Variants in GNL3L observed in about 807,000 individuals in gnomAD.
GNL3L encodes the protein G protein nucleolar 3 like.
In GNL3L, 4 loss-of-function variants were observed where a neutral mutation model predicts 42.9. The observed-to-expected ratio is 0.09, with a 90% CI of 0.05 to 0.21. The LOEUF is 0.21. GNL3L is among the 10% of genes least tolerant of loss of function. The pLI is 1.00. For synonymous variants in GNL3L, 159 were observed against 176.3 expected, an observed-to-expected ratio of 0.90 and a Z score of 0.78; for missense variants, 412 against 481.7, an observed-to-expected ratio of 0.86 and a Z score of 1.36.
At chrX:54,556,279 C>G (rs1925092326) in intron 14 of GNL3L, among the ~76,000 whole-genome samples, 1 of 110,891 alleles carries the variant, frequency 9.0e-6, no homozygotes, top group Non-Finnish European at 1.9e-5. Flanking sequence ...GGGAAGCAGG[C>G]ACCTTCTTCA....
the GNL3L span, among the ~76,000 whole-genome samples, chrX:54,638,525 A>T: frequency 7.2e-5 from 8 of 111,250 alleles, no homozygotes; most frequent in African/African-American, 9.8e-5. Context: ...GCTGGAGTGC[A>T]GTGGCGCAAT....
the GNL3L span, among the ~76,000 whole-genome samples, chrX:54,632,524 A>G: frequency 9.1e-6 from 1 of 110,351 alleles, no homozygotes; most frequent in Admixed American, 9.7e-5. Flanking sequence ...CGAGCTGTAA[A>G]GTTCTTTCTT....
chrX:54,625,954 T>C (rs1343829068), downstream of GNL3L, among the ~76,000 whole-genome samples: 2 of 111,561 alleles, frequency 1.8e-5, no homozygotes, highest in South Asian at 3.8e-4. Context: ...AGACGGATAT[T>C]ATGATACATG....
intron 16 of GNL3L, among the ~76,000 whole-genome samples, chrX:54,574,114 C>T: frequency 9.0e-6 from 1 of 111,604 alleles, no homozygotes; most frequent in East Asian, 2.8e-4. Context: ...TCTTCCTTTA[C>T]AATCGATGTG....
chrX:54,644,094 C>T, the GNL3L span, among the ~76,000 whole-genome samples: 594 of 111,852 alleles, frequency 5.3e-3, 6 homozygotes, highest in African/African-American at 0.018. Context: ...AGATATCTCT[C>T]CAATATACTG....
chrX:54,629,986 G>A, the GNL3L span, among the ~76,000 whole-genome samples: 3 of 111,314 alleles, frequency 2.7e-5, no homozygotes, highest in African/African-American at 9.8e-5. Flanking sequence ...AATCTAGAAG[G>A]GTTGTATGTT....
chrX:54,552,265 A>G, intron 12 of GNL3L, 27 bp from the exon 13 acceptor site: 2 of 1,201,536 alleles, frequency 1.7e-6, no homozygotes, highest in Non-Finnish European at 2.3e-6. Flanking sequence ...TGACAGCACC[A>G]CTCATCTCCC....
chrX:54,549,263 C>T (rs1446788886), intron 9 of GNL3L, among the ~76,000 whole-genome samples: 1 of 111,596 alleles, frequency 9.0e-6, no homozygotes, highest in Non-Finnish European at 1.9e-5. Flanking sequence ...GATCCACAAA[C>T]ACATACACAG....
At chrX:54,574,394 A>G (rs1372152292) in intron 16 of GNL3L, among the ~76,000 whole-genome samples, 1 of 112,041 alleles carries the variant, frequency 8.9e-6, no homozygotes, top group African/African-American at 3.2e-5. Flanking sequence ...AGATGATTAT[A>G]TAGGTTTTCT....
At chrX:54,545,105 G>A (rs751720879) in intron 8 of GNL3L, among the ~76,000 whole-genome samples, 2 of 111,204 alleles carry the variant, frequency 1.8e-5, no homozygotes, top group Middle Eastern at 4.8e-3. Context: ...TAGTAGACAC[G>A]GGGTTTCGCC....
At chrX:54,558,803 C>A in intron 15 of GNL3L, 148 bp downstream of exon 15, 1 of 461,702 alleles carries the variant, frequency 2.2e-6, no homozygotes, top group Non-Finnish European at 3.8e-6. Context: ...ATTACAGGCA[C>A]CTGCCACCAT....
At chrX:54,581,887 AT>A (rs1925719686) in intron 16 of GNL3L, among the ~76,000 whole-genome samples, 1 of 111,618 alleles carries the variant, frequency 9.0e-6, no homozygotes, top group African/African-American at 3.3e-5. Context: ...TTTGGTGCAG[AT>A]TTTGGTATGA....
At position 54,561,463 on chromosome X, in the gene GNL3L, A is replaced by G. The variant is rs1201934232; in HGVS notation, c.*861A>G. Among the ~76,000 whole-genome samples the G allele has an allele frequency of 8.9e-6, 1 of 112,248 alleles. No homozygotes were observed. Among genetic ancestry groups the G allele is most frequent in the Non-Finnish European group, 1.9e-5 (1 of 53,245 alleles). ...CCTGTGTCTCTGGAAGGTTCTAGGG[A>G]TAGGGTAGAGGGAAGAAGAGAACAA... On this transcript the variant is annotated 3_prime_UTR_variant, in exon 16 of 16. Transcript: ENST00000360845.
chrX:54,564,301 C>T lies in GNL3L; in HGVS notation c.*3699C>T, dbSNP rs907865596. Among the ~76,000 whole-genome samples, 3 of 110,552 alleles carry T rather than the reference C, an allele frequency of 2.7e-5. No individual in the cohort carries two copies. Among genetic ancestry groups the T allele is most frequent in the African/African-American group, 9.9e-5 (3 of 30,394 alleles). On this transcript the variant is annotated 3_prime_UTR_variant, in exon 16 of 16. Transcript: ENST00000360845. ...CAATGCAACCAAGGTACAGAACAGT[C>T]CTCTTAGCCTCTCCCTACCAAATTT... is the stretch of plus-strand genomic sequence containing the variant.
intron 14 of GNL3L, 114 bp from the exon 15 acceptor site, chrX:54,558,322 A>G (rs1183020774): frequency 3.9e-6 from 2 of 510,185 alleles, no homozygotes; most frequent in Non-Finnish European, 6.8e-6. Flanking sequence ...CTAGTTCCAC[A>G]TGGCTCCAGG....
chrX:54,622,306 A>T (rs768229777), downstream of GNL3L, among the ~76,000 whole-genome samples: 1 of 65,587 alleles, frequency 1.5e-5, no homozygotes, highest in South Asian at 8.6e-4. Flanking sequence ...TTTTTTGGAG[A>T]CGGAGTCTTG....
chrX:54,626,213 A>G (rs1164513112), downstream of GNL3L, among the ~76,000 whole-genome samples: 1 of 111,212 alleles, frequency 9.0e-6, no homozygotes, highest in Non-Finnish European at 1.9e-5. Context: ...TAATACTCAC[A>G]ATTCTACTCT....
At chrX:54,617,312 A>G (rs1367228382) in intron 16 of GNL3L, among the ~76,000 whole-genome samples, 1 of 111,969 alleles carries the variant, frequency 8.9e-6, no homozygotes, top group Non-Finnish European at 1.9e-5. Flanking sequence ...TTCACACAAA[A>G]CAATTTCTTG....
In GNL3L at chrX:54,562,531, G is replaced by T. The variant is rs1925299223; in HGVS notation, c.*1929G>T. Among the ~76,000 whole-genome samples the T allele has an allele frequency of 9.0e-6, 1 of 111,172 alleles. No homozygotes were observed. The highest frequency in any genetic ancestry group is 3.8e-4 in the South Asian group (1 of 2,654). On this transcript the variant is annotated 3_prime_UTR_variant, in exon 16 of 16. Coordinates refer to ENST00000360845, the MANE Select transcript of GNL3L (RefSeq NM_001184819.2). ...CAAAGGAGAGAATTACGTACTTGTT[G>T]AGTACAAACTGCACCAAGCCCTGGA... is the stretch of plus-strand genomic sequence containing the variant.
Sources: allele counts gnomAD v4.1 joint callset (sites outside exome capture counted in the v4.1 genomes callset), GRCh38; gene constraint gnomAD v4.1.1; transcripts MANE v1.5; gene names NCBI Gene and HGNC (gene_info 2026-07-23, HGNC 2026-07-21).